NALF1: variants seen among roughly 807,000 people sequenced by gnomAD.
The protein encoded by NALF1 is NALCN channel auxiliary factor 1, also known as family with sequence similarity 155 member A.
Under a neutral mutation model 48.4 loss-of-function variants are expected in NALF1, and 3 were observed. The ratio of observed to expected loss-of-function variants is 0.06; its 90% CI spans 0.03 to 0.16. NALF1 has a LOEUF of 0.16. NALF1 is among the 10% of genes least tolerant of loss of function. NALF1 has a pLI of 1.00. For synonymous variants in NALF1, 262 were observed against 245.7 expected (o/e 1.07, Z -0.62); for missense variants, 526 against 571.5 (o/e 0.92, Z 0.81).
At chr13:107,431,518 C>T (rs1422333458) in intron 1 of NALF1, among the ~76,000 whole-genome samples, 1 of 152,170 alleles carries the variant, frequency 6.6e-6, no homozygotes, top group Non-Finnish European at 1.5e-5. Flanking sequence ...AATGGCTATT[C>T]ACTGCTAAAA....
At position 107,866,489 on chromosome 13, in the gene NALF1, C is replaced by A; in HGVS notation, c.108G>T (p.Gln36His). 2 of 1,614,124 alleles carry A rather than the reference C, an allele frequency of 1.2e-6. No individual in the cohort carries two copies. The highest frequency in any genetic ancestry group is 1.7e-6 in the Non-Finnish European group (2 of 1,180,026). ...GAGATGCCAGAGACAGTCGCCATTT[C>A]TGAGCCCTCTCGGAATCGATGAACG... is the stretch of plus-strand genomic sequence containing the variant. Reference protein sequence around the residue: ...EKPFIDSERAQKWRLSLASLL... With the variant: ...EKPFIDSERAHKWRLSLASLL... Residue 36 changes from glutamine to histidine, a missense_variant, in exon 1 of 3, where the codon CAG becomes CAT. Physicochemically the swap from Gln to His is conservative, Grantham distance 24 (BLOSUM62 0). This residue lies in a region of NALF1 where 373 missense variants were observed against 355.5 expected (regional missense o/e 1.05). Coordinates refer to ENST00000375915, the MANE Select transcript of NALF1 (RefSeq NM_001080396.3). The surrounding 1 kb of genome is among the most constrained non-coding windows in gnomAD (Gnocchi z 4.4).
chr13:107,279,301 G>T (rs1423265819), intron 1 of NALF1, among the ~76,000 whole-genome samples: 1 of 151,808 alleles, frequency 6.6e-6, no homozygotes, highest in Non-Finnish European at 1.5e-5. Context: ...TGTTGCCCGG[G>T]CTGGAGGGCA....
intron 1 of NALF1, among the ~76,000 whole-genome samples, chr13:107,376,286 A>G (rs774940828): frequency 3.3e-5 from 5 of 152,176 alleles, no homozygotes; most frequent in Non-Finnish European, 7.3e-5. Flanking sequence ...TGTTGTTTTA[A>G]GGCACTAAGT....
chr13:107,250,104 C>G (rs1880668440), intron 1 of NALF1, among the ~76,000 whole-genome samples: 1 of 143,588 alleles, frequency 7.0e-6, no homozygotes, highest in African/African-American at 2.5e-5. Flanking sequence ...TTTTTTTTTC[C>G]CAAGTTCCCT....
At chr13:107,224,240 G>A (rs1880054930) in intron 1 of NALF1, among the ~76,000 whole-genome samples, 1 of 151,660 alleles carries the variant, frequency 6.6e-6, no homozygotes. Context: ...AAAAAATGTA[G>A]AATAATACTG....
chr13:107,609,811 A>G (rs1879178101), intron 1 of NALF1, among the ~76,000 whole-genome samples: 1 of 152,252 alleles, frequency 6.6e-6, no homozygotes, highest in Non-Finnish European at 1.5e-5. Flanking sequence ...ATGCATGTAT[A>G]TCCACATCAC....
intron 2 of NALF1, among the ~76,000 whole-genome samples, chr13:107,176,653 A>T (rs919997294): frequency 9.3e-5 from 14 of 149,980 alleles, no homozygotes; most frequent in South Asian, 2.1e-4. Context: ...AAAAAAAATT[A>T]AAAAAAAATA....
chr13:107,203,184 G>A (rs1321088510), intron 2 of NALF1, among the ~76,000 whole-genome samples: 1 of 152,188 alleles, frequency 6.6e-6, no homozygotes, highest in Non-Finnish European at 1.5e-5. Flanking sequence ...CCTGTTCTGG[G>A]AAATCTCACT....
At chr13:107,637,053 A>G (rs984522615) in intron 1 of NALF1, among the ~76,000 whole-genome samples, 1 of 151,892 alleles carries the variant, frequency 6.6e-6, no homozygotes, top group Admixed American at 6.6e-5. Context: ...TCAGTACAGT[A>G]AGATGCTATA....
chr13:107,524,560 A>C (rs992053496), intron 1 of NALF1, among the ~76,000 whole-genome samples: 5 of 152,114 alleles, frequency 3.3e-5, no homozygotes, highest in Non-Finnish European at 5.9e-5. Context: ...TATAACAGAA[A>C]GCAAGGTAGA....
At chr13:107,423,612 A>G (rs7998396) in intron 1 of NALF1, among the ~76,000 whole-genome samples, 11,045 of 152,224 alleles carry the variant, frequency 0.073, 1,292 homozygotes, top group African/African-American at 0.25. Context: ...TTCTCAAATG[A>G]TAAAAGAGAA....
chr13:107,564,057 C>CCTA, intron 1 of NALF1, among the ~76,000 whole-genome samples: 1 of 152,218 alleles, frequency 6.6e-6, no homozygotes, highest in Non-Finnish European at 1.5e-5. Context: ...TTTCATGGTT[C>CCTA]TTAGCACTTT....
At chr13:107,681,962 C>G (rs1173962897) in intron 1 of NALF1, among the ~76,000 whole-genome samples, 1 of 152,216 alleles carries the variant, frequency 6.6e-6, no homozygotes, top group African/African-American at 2.4e-5. Context: ...GGAGCATGTG[C>G]ACGTTGGACT....
At chr13:107,526,498 C>T (rs2139102289) in intron 1 of NALF1, among the ~76,000 whole-genome samples, 1 of 151,952 alleles carries the variant, frequency 6.6e-6, no homozygotes, top group East Asian at 1.9e-4. Context: ...TCATCTCATC[C>T]ATTATTTTCC....
chr13:107,287,004 T>C (rs1002172180), intron 1 of NALF1, among the ~76,000 whole-genome samples: 6 of 152,236 alleles, frequency 3.9e-5, no homozygotes, highest in African/African-American at 1.4e-4. Context: ...ATGTTCTCAA[T>C]GCCACTAACA....
At chr13:107,693,492 C>T (rs927591420) in intron 1 of NALF1, among the ~76,000 whole-genome samples, 1 of 151,858 alleles carries the variant, frequency 6.6e-6, no homozygotes, top group African/African-American at 2.4e-5. Flanking sequence ...AATAAAAAAA[C>T]AGTATACTTC....
At chr13:107,737,574 C>A (rs1222686069) in intron 1 of NALF1, among the ~76,000 whole-genome samples, 2 of 151,912 alleles carry the variant, frequency 1.3e-5, no homozygotes, top group Admixed American at 1.3e-4. Context: ...TTTTCTTAAT[C>A]CAAAAAAAAT....
At chr13:107,439,181 A>T (rs1884515734) in intron 1 of NALF1, among the ~76,000 whole-genome samples, 2 of 152,200 alleles carry the variant, frequency 1.3e-5, no homozygotes, top group South Asian at 4.1e-4. Flanking sequence ...TTAATTTAGT[A>T]TCCAGAGCCT....
At position 107,719,787 on chromosome 13, in the gene NALF1, T is replaced by G. The variant is rs77035071; in HGVS notation, c.915+145895A>C. Among the ~76,000 whole-genome samples the G allele has an allele frequency of 2.6e-3, 392 of 152,282 alleles. 2 individuals carry two copies. The highest frequency in any genetic ancestry group is 9.1e-3 in the African/African-American group (380 of 41,548). ...CCCAACATTGATTCCCATGCTCCTG[T>G]CTCATTCAACCCTTCATTGCCTCTA... On this transcript the variant is annotated intron_variant, in intron 1 of 2. Transcript: ENST00000375915.
Sources: gnomAD v4.1 joint callset for allele counts (sites outside exome capture counted in the v4.1 genomes callset) on GRCh38, gnomAD v4.1.1 for gene constraint, gnomAD v4.1.1 regional missense constraint, Gnocchi (gnomAD v3.1) non-coding constraint, MANE v1.5 for transcripts, NCBI Gene and HGNC (gene_info 2026-07-23, HGNC 2026-07-21) for gene names.